The following CTIF variants were observed in gnomAD, a reference collection of about 807,000 sequenced individuals.
The protein encoded by CTIF is CBP80/20-dependent translation initiation factor.
A neutral mutation model predicts 66.0 loss-of-function variants in CTIF; 21 were observed. The ratio of observed to expected loss-of-function variants is 0.32; its 90% CI spans 0.23 to 0.46. The LOEUF (loss-of-function observed/expected upper bound fraction) is 0.46, where lower values mean the gene tolerates loss of function less well. Ranked by LOEUF, CTIF falls within the 20% of genes least tolerant of loss-of-function variation. The pLI is 1.00. For synonymous variants in CTIF, 345 were observed against 326.4 expected, an observed-to-expected ratio of 1.06 and a Z score of -0.62; for missense variants, 739 against 812.7, an observed-to-expected ratio of 0.91 and a Z score of 1.10.
chr18:48,581,308 G>A (rs927415184), intron 1 of CTIF, among the ~76,000 whole-genome samples: 10 of 151,984 alleles, frequency 6.6e-5, no homozygotes, highest in East Asian at 1.9e-4. Context: ...GCCCTGTGTC[G>A]AAAATTAGAC....
Position 48,824,268 on chromosome 18 carries a change from A to G in CTIF, c.1527+6892A>G, listed in dbSNP as rs2068539999. 1.3e-5 allele frequency among the ~76,000 whole-genome samples: 2 copies of G among 152,196 alleles called. 1 individual carries two copies. Among genetic ancestry groups the G allele is most frequent in the South Asian group, 4.1e-4 (2 of 4,822 alleles). On this transcript the variant is annotated intron_variant, in intron 10 of 11. Transcript: ENST00000256413. Reference sequence around the variant, plus strand: ...GAAAAACATCCCATGAGCATTTTATAATAGCATTCTAAGGACCTCTTTCTC... The same window carrying G: ...GAAAAACATCCCATGAGCATTTTATGATAGCATTCTAAGGACCTCTTTCTC...
intron 9 of CTIF, among the ~76,000 whole-genome samples, chr18:48,808,689 A>T (rs2068201773): frequency 6.6e-6 from 1 of 152,108 alleles, no homozygotes; most frequent in African/African-American, 2.4e-5. Flanking sequence ...TCCTCAAGGG[A>T]TCATGTGATA....
chr18:48,599,842 AG>A (rs1455693767), intron 1 of CTIF, among the ~76,000 whole-genome samples: 1 of 152,166 alleles, frequency 6.6e-6, no homozygotes, highest in Non-Finnish European at 1.5e-5. Flanking sequence ...TAGATGGACA[AG>A]GCCCCCAGTG....
chr18:48,728,354 C>A (rs574635765), intron 7 of CTIF, among the ~76,000 whole-genome samples: 2 of 152,184 alleles, frequency 1.3e-5, no homozygotes, highest in Non-Finnish European at 2.9e-5. Context: ...TTCACTATGG[C>A]AGCACCCTAC....
intron 1 of CTIF, among the ~76,000 whole-genome samples, chr18:48,617,361 T>C (rs937480240): frequency 1.3e-5 from 2 of 152,232 alleles, no homozygotes; most frequent in Non-Finnish European, 2.9e-5. Context: ...GAATAGTCTC[T>C]CTATCTTAAA....
At chr18:48,573,075 G>A (rs764145272) in intron 1 of CTIF, among the ~76,000 whole-genome samples, 59 of 152,162 alleles carry the variant, frequency 3.9e-4, no homozygotes, top group Non-Finnish European at 7.2e-4. Flanking sequence ...GAAGTGAGCC[G>A]TCTCGGAGGT....
At chr18:48,797,823 C>G (rs1164346524) in intron 9 of CTIF, among the ~76,000 whole-genome samples, 1 of 150,896 alleles carries the variant, frequency 6.6e-6, no homozygotes, top group African/African-American at 2.4e-5. Context: ...ATCTTACTAA[C>G]CTATTCTCCA....
intron 10 of CTIF, among the ~76,000 whole-genome samples, chr18:48,834,508 C>T (rs953132256): frequency 2.8e-4 from 42 of 152,366 alleles, no homozygotes; most frequent in African/African-American, 9.1e-4. Context: ...GGGAAACGCT[C>T]CTCTCCTCCA....
chr18:48,594,745 C>A lies in CTIF; in HGVS notation c.-28-24793C>A, dbSNP rs1376607846. Among the ~76,000 whole-genome samples, 3 of 152,204 alleles carry A rather than the reference C, an allele frequency of 2.0e-5. No individual in the cohort carries two copies. In the East Asian group the frequency reaches 5.8e-4, roughly 29 times the overall value. ...CCTGAAGCTGGCCCAATCTGAGCTC[C>A]CCACAGGAGTTTATTTTTGATAGAT... On this transcript the variant is annotated intron_variant, in intron 1 of 11. Coordinates refer to ENST00000256413, the MANE Select transcript of CTIF (RefSeq NM_014772.3).
At chr18:48,717,305 G>A (rs996284163) in intron 7 of CTIF, among the ~76,000 whole-genome samples, 1 of 152,016 alleles carries the variant, frequency 6.6e-6, no homozygotes, top group Non-Finnish European at 1.5e-5. Context: ...GGCTGAGGCA[G>A]GAGAATTGCC....
intron 9 of CTIF, among the ~76,000 whole-genome samples, chr18:48,783,190 T>A (rs1206041651): frequency 1.3e-5 from 2 of 152,150 alleles, no homozygotes; most frequent in African/African-American, 4.8e-5. Context: ...ACCACAGGTC[T>A]GGACCACCTG....
intron 1 of CTIF, among the ~76,000 whole-genome samples, chr18:48,589,909 A>G (rs1197254008): frequency 1.3e-5 from 2 of 152,172 alleles, no homozygotes; most frequent in African/African-American, 4.8e-5. Flanking sequence ...CCCTTTGGAA[A>G]CTAAGCTTGT....
intron 1 of CTIF, among the ~76,000 whole-genome samples, chr18:48,604,638 A>G (rs948144616): frequency 2.6e-5 from 4 of 152,152 alleles, no homozygotes; most frequent in African/African-American, 9.7e-5. Flanking sequence ...TAACAGCTTT[A>G]TTCAGATTCG....
chr18:48,687,698 C>T (rs562581369), intron 6 of CTIF, among the ~76,000 whole-genome samples: 3 of 152,202 alleles, frequency 2.0e-5, no homozygotes, highest in Non-Finnish European at 4.4e-5. Context: ...ACCAGAGAAT[C>T]GTTGCTGAAA....
chr18:48,839,345 C>T (rs2146527194), intron 10 of CTIF, among the ~76,000 whole-genome samples: 1 of 152,214 alleles, frequency 6.6e-6, no homozygotes, highest in Non-Finnish European at 1.5e-5. Flanking sequence ...GGAAGCTGTC[C>T]CTGAGCCTCC....
At chr18:48,734,627 G>A (rs1598948747) in intron 7 of CTIF, among the ~76,000 whole-genome samples, 1 of 152,214 alleles carries the variant, frequency 6.6e-6, no homozygotes, top group East Asian at 1.9e-4. Context: ...TTTGCATCCT[G>A]TTCATCATCA....
intron 1 of CTIF, among the ~76,000 whole-genome samples, chr18:48,594,637 C>T (rs2089957029): frequency 6.6e-6 from 1 of 152,198 alleles, no homozygotes; most frequent in Non-Finnish European, 1.5e-5. Flanking sequence ...ACACCAGGTG[C>T]ACGTTGTGAC....
chr18:48,614,314 A>G (rs1165590621), intron 1 of CTIF, among the ~76,000 whole-genome samples: 2 of 152,166 alleles, frequency 1.3e-5, no homozygotes, highest in Admixed American at 1.3e-4. Context: ...CTTTTCCTCC[A>G]CACTCGTCTT....
intron 3 of CTIF, among the ~76,000 whole-genome samples, chr18:48,640,232 C>T (rs549836216): frequency 9.0e-4 from 137 of 152,350 alleles, no homozygotes; most frequent in African/African-American, 3.0e-3. Flanking sequence ...TGCACTCACG[C>T]GCCCAGGCAG....
Sources: gnomAD v4.1 joint callset for allele counts (sites outside exome capture counted in the v4.1 genomes callset) on GRCh38, gnomAD v4.1.1 for gene constraint, MANE v1.5 for transcripts, NCBI Gene and HGNC (gene_info 2026-07-23, HGNC 2026-07-21) for gene names.